The following ULK2 variants were observed in gnomAD, a reference collection of about 807,000 sequenced individuals.
The protein encoded by ULK2 is unc-51 like autophagy activating kinase 2.
A neutral mutation model predicts 127.5 loss-of-function variants in ULK2; 76 were observed. That is an observed-to-expected ratio of 0.60 (90% confidence interval 0.50 to 0.72). The LOEUF is 0.72. Among genes scored for constraint, ULK2 ranks in the 30% least tolerant of loss-of-function variants. The probability of loss-of-function intolerance (pLI) is 0.00; values close to 1 mark genes in which losing one functional copy is unlikely to be tolerated. For synonymous variants in ULK2, 452 were observed against 461.9 expected (o/e 0.98, Z 0.28); for missense variants, 1,144 against 1,295.9 (o/e 0.88, Z 1.80).
intron 3 of ULK2, among the ~76,000 whole-genome samples, chr17:19,857,307 CAAAA>C (rs11351804): frequency 1.4e-5 from 1 of 72,778 alleles, no homozygotes; most frequent in Non-Finnish European, 3.2e-5. Context: ...GACTCTGTCT[CAAAA>C]AAAAAAAAAA....
chr17:19,782,097 T>A, intron 22 of ULK2, 30 bp from the exon 23 acceptor site: 1 of 1,608,078 alleles, frequency 6.2e-7, no homozygotes, highest in Admixed American at 1.7e-5. Flanking sequence ...TCTTAGAAAA[T>A]TTCAGATTAA....
intron 3 of ULK2, among the ~76,000 whole-genome samples, chr17:19,857,512 G>A (rs867360762): frequency 6.6e-5 from 10 of 152,160 alleles, no homozygotes; most frequent in Middle Eastern, 3.4e-3. Flanking sequence ...TGATGAGAAT[G>A]GTGTTCCAAT....
chr17:19,836,059 G>T (rs2041588810), intron 10 of ULK2, among the ~76,000 whole-genome samples: 1 of 151,316 alleles, frequency 6.6e-6, no homozygotes, highest in Admixed American at 6.6e-5. Flanking sequence ...CTGAGGCCAG[G>T]AGTTTGAGAC....
chr17:19,815,930 C>T (rs1018115809), intron 13 of ULK2, among the ~76,000 whole-genome samples: 2 of 152,134 alleles, frequency 1.3e-5, no homozygotes, highest in African/African-American at 4.8e-5. Context: ...ACTCTCAGTT[C>T]TCATAATGCT....
chr17:19,828,297 A>G (rs1224595645), intron 10 of ULK2, among the ~76,000 whole-genome samples: 1 of 152,254 alleles, frequency 6.6e-6, no homozygotes, highest in East Asian at 1.9e-4. Flanking sequence ...AGAGCTAGAC[A>G]GTAAAAAGCC....
rs192959403 is a variant in ULK2, at chr17:19,788,047, T to G, written c.2102-1961A>C. Among the ~76,000 whole-genome samples the G allele has an allele frequency of 9.2e-5, 14 of 152,266 alleles. No homozygotes were observed. The East Asian group carries it at 2.7e-3, about 29-fold the overall frequency. On this transcript the variant is annotated intron_variant, in intron 20 of 26. Transcript: ENST00000395544. ...GGACCAGCTGTAGCTAGAGGGAAAGTGCCTGTCTGAGTGGCCAGAATGTGA... is the reference window on the plus strand; with the variant it reads ...GGACCAGCTGTAGCTAGAGGGAAAGGGCCTGTCTGAGTGGCCAGAATGTGA...
intron 4 of ULK2, 58 bp downstream of exon 4, chr17:19,849,683 CT>C (rs1377628456): frequency 2.3e-5 from 22 of 942,502 alleles, no homozygotes; most frequent in Non-Finnish European, 3.0e-5. Context: ...ATGCTAGAAT[CT>C]AAAAAAAAAA....
chr17:19,809,181 A>G (rs1442793178), intron 14 of ULK2, among the ~76,000 whole-genome samples: 1 of 152,230 alleles, frequency 6.6e-6, no homozygotes, highest in Non-Finnish European at 1.5e-5. Flanking sequence ...CAAAACAGAT[A>G]AATGCTATAT....
intron 13 of ULK2, among the ~76,000 whole-genome samples, chr17:19,813,393 A>G (rs1222943497): frequency 1.3e-5 from 2 of 152,194 alleles, no homozygotes; most frequent in African/African-American, 4.8e-5. Context: ...AAACTCACTA[A>G]AAGGGTAAGA....
In ULK2 at chr17:19,849,411, A is replaced by G. The variant is rs2306271; in HGVS notation, c.259-6T>C. ...AGGTCTCCACCATTGCAATACTGAC[A>G]TAGAAAAGAGAAAGTAATGAAAATA... On this transcript the variant is annotated splice_polypyrimidine_tract_variant and splice_region_variant and intron_variant, in intron 4 of 26. Transcript: ENST00000395544. The G allele has an allele frequency of 3.1e-4, 497 of 1,605,002 alleles. 3 individuals are homozygous for G. The East Asian group carries it at 9.8e-3, about 32-fold the overall frequency.
intron 11 of ULK2, among the ~76,000 whole-genome samples, chr17:19,825,618 G>C (rs993358374): frequency 3.3e-5 from 5 of 151,896 alleles, no homozygotes; most frequent in Non-Finnish European, 7.4e-5. Flanking sequence ...GCTGAGGCAG[G>C]AGAATCACTT....
chr17:19,866,307 C>A (rs2042349607), intron 1 of ULK2, among the ~76,000 whole-genome samples: 1 of 151,668 alleles, frequency 6.6e-6, no homozygotes, highest in Admixed American at 6.6e-5. Context: ...CAAGACCACA[C>A]TGGCCAACGT....
chr17:19,795,846 T>G (rs2087257175), intron 19 of ULK2, 121 bp from the exon 20 acceptor site: 1 of 983,904 alleles, frequency 1.0e-6, no homozygotes, highest in South Asian at 1.5e-5. Context: ...AGGGTAGAGA[T>G]AAACTTCAAT....
chr17:19,782,214 G>A (rs896045373), intron 22 of ULK2, 147 bp from the exon 23 acceptor site: 1 of 914,540 alleles, frequency 1.1e-6, no homozygotes, highest in African/African-American at 1.7e-5. Context: ...TTAAATTTCA[G>A]AAAGCTGGTA....
intron 5 of ULK2, among the ~76,000 whole-genome samples, chr17:19,847,832 A>G (rs1325891201): frequency 6.6e-6 from 1 of 152,014 alleles, no homozygotes; most frequent in Non-Finnish European, 1.5e-5. Context: ...ACACTGAGAG[A>G]CATCGTGACC....
chr17:19,783,852 C>A lies in ULK2; in HGVS notation c.2305G>T (p.Val769Leu), dbSNP rs142816411. ...AAGCCTGGGCCAGGCGGGGACCCCA[C>A]GCACACGCGGCCACTCATGGCACAA... Reference protein sequence around the residue: ...SLCAMSGRVCVGSPPGPGFGS... With the variant: ...SLCAMSGRVCLGSPPGPGFGS... Residue 769 changes from valine to leucine, a missense_variant, in exon 22 of 27, where the codon GTG becomes TTG. Transcript: ENST00000395544. 203 of 1,588,186 alleles carry A rather than the reference C, an allele frequency of 1.3e-4. No individual in the cohort carries two copies. The highest frequency in any genetic ancestry group is 3.9e-4 in the Admixed American group (22 of 56,032).
chr17:19,789,469 A>G (rs1309650464), intron 20 of ULK2, among the ~76,000 whole-genome samples: 1 of 152,204 alleles, frequency 6.6e-6, no homozygotes, highest in Non-Finnish European at 1.5e-5. Flanking sequence ...ACAACAATAA[A>G]TACCTAACAT....
intron 13 of ULK2, among the ~76,000 whole-genome samples, chr17:19,813,803 C>G (rs1175751362): frequency 6.6e-6 from 1 of 152,020 alleles, no homozygotes; most frequent in Non-Finnish European, 1.5e-5. Flanking sequence ...TTAAAGAAAC[C>G]TAAATAAGTG....
chr17:19,822,045 G>A (rs2152391829), intron 12 of ULK2, among the ~76,000 whole-genome samples: 1 of 151,390 alleles, frequency 6.6e-6, no homozygotes, highest in Non-Finnish European at 1.5e-5. Flanking sequence ...CTCTGCAGTG[G>A]CACAATCTCA....
Sources: gnomAD v4.1 joint callset for allele counts (sites outside exome capture counted in the v4.1 genomes callset) on GRCh38, gnomAD v4.1.1 for gene constraint, MANE v1.5 for transcripts, NCBI Gene and HGNC (gene_info 2026-07-23, HGNC 2026-07-21) for gene names.